The following TMEM38B variants were observed in gnomAD, a reference collection of about 807,000 sequenced individuals.
TMEM38B encodes the protein trimeric intracellular cation channel type B.
A neutral mutation model predicts 28.7 loss-of-function variants in TMEM38B; 24 were observed. The observed-to-expected ratio is 0.84, with a 90% CI of 0.61 to 1.18. The LOEUF (loss-of-function observed/expected upper bound fraction) is 1.18, where lower values mean the gene tolerates loss of function less well. Ranked by LOEUF, TMEM38B falls within the 50% of genes most tolerant of loss-of-function variation. The pLI is 0.00. For missense variants in TMEM38B, 380 were observed against 350.9 expected (o/e 1.08, Z -0.66); for synonymous variants, 131 against 127.7 (o/e 1.03, Z -0.17).
intron 2 of TMEM38B, among the ~76,000 whole-genome samples, chr9:105,717,489 A>G (rs1220978881): frequency 6.6e-6 from 1 of 152,236 alleles, no homozygotes; most frequent in African/African-American, 2.4e-5. Flanking sequence ...TGGATAAATT[A>G]TGGCATATTA....
rs189893499 is a variant in TMEM38B at position 105,739,052 on chromosome 9, G to A, written c.543-9021G>A. 1.0e-3 allele frequency among the ~76,000 whole-genome samples: 154 copies of A among 151,914 alleles called. 1 individual carries two copies. Among genetic ancestry groups the A allele is most frequent in the Admixed American group, 3.2e-3 (49 of 15,254 alleles). ...TAATTTTTATATATCATATGAATAG[G>A]GGCTCACCTTCATTCTTTTGTATGT... is the stretch of plus-strand genomic sequence containing the variant. On this transcript the variant is annotated intron_variant, in intron 4 of 5. Transcript: ENST00000374692.
Position 105,694,607 on chromosome 9 carries a change from A to T in TMEM38B, c.-54A>T, listed in dbSNP as rs2271247. Reference sequence around the variant, plus strand: ...GCCCTCTCCTACTCCTCACCGCGCGAGCGCGGGGAACCAGTAGCCGCGGCT... The same window carrying T: ...GCCCTCTCCTACTCCTCACCGCGCGTGCGCGGGGAACCAGTAGCCGCGGCT... On this transcript the variant is annotated 5_prime_UTR_variant, in exon 1 of 6. Transcript: ENST00000374692. 1.4e-6 allele frequency: 2 copies of T among 1,480,886 alleles called. No individual in the cohort carries two copies. Among genetic ancestry groups the T allele is most frequent in the Non-Finnish European group, 9.4e-7 (1 of 1,064,100 alleles). The allele number at this position is 1,480,886 out of a possible 1,614,324, so 91.7% of individuals were successfully genotyped here.
At chr9:105,750,882 A>G (rs1837624343) in intron 5 of TMEM38B, among the ~76,000 whole-genome samples, 3 of 152,178 alleles carry the variant, frequency 2.0e-5, no homozygotes, top group Non-Finnish European at 4.4e-5. Flanking sequence ...AGCACTATTT[A>G]TTGTAAAAAC....
chr9:105,761,881 G>C (rs1838063573), intron 5 of TMEM38B, among the ~76,000 whole-genome samples: 1 of 152,112 alleles, frequency 6.6e-6, no homozygotes, highest in African/African-American at 2.4e-5. Context: ...ATTTTTATAA[G>C]TGTCAAGATA....
chr9:105,760,985 A>G (rs958243661), intron 5 of TMEM38B, among the ~76,000 whole-genome samples: 1 of 152,242 alleles, frequency 6.6e-6, no homozygotes, highest in African/African-American at 2.4e-5. Context: ...TGTTTTTAAC[A>G]CAGCTATCCA....
chr9:105,770,822 A>C (rs73522009), intron 5 of TMEM38B, among the ~76,000 whole-genome samples: 11,526 of 152,238 alleles, frequency 0.076, 990 homozygotes, highest in African/African-American at 0.21. Flanking sequence ...TATGTTCTGG[A>C]TGAAGAGAGA....
intron 2 of TMEM38B, chr9:105,710,602 C>T (rs982059098): frequency 1.3e-6 from 1 of 799,616 alleles, no homozygotes; most frequent in East Asian, 2.6e-5. Context: ...CAGGAACACC[C>T]TCAAATTGAA....
chr9:105,772,956 C>A (rs570928013), intron 5 of TMEM38B, among the ~76,000 whole-genome samples: 1 of 152,146 alleles, frequency 6.6e-6, no homozygotes, highest in Admixed American at 6.6e-5. Flanking sequence ...TGTATTGCAA[C>A]TAGTAAGAAT....
At chr9:105,753,649 A>G (rs564176310) in intron 5 of TMEM38B, among the ~76,000 whole-genome samples, 1 of 152,200 alleles carries the variant, frequency 6.6e-6, no homozygotes, top group Non-Finnish European at 1.5e-5. Context: ...CCTGCTTTGC[A>G]AGAGCTCCTG....
intron 4 of TMEM38B, among the ~76,000 whole-genome samples, chr9:105,730,025 A>G (rs1296476608): frequency 1.3e-5 from 2 of 152,210 alleles, no homozygotes; most frequent in Non-Finnish European, 2.9e-5. Context: ...ATCTGAAAAC[A>G]GAGACAATTT....
At chr9:105,739,601 T>C (rs1168383762) in intron 4 of TMEM38B, among the ~76,000 whole-genome samples, 1 of 152,168 alleles carries the variant, frequency 6.6e-6, no homozygotes, top group Non-Finnish European at 1.5e-5. Context: ...TTCAGCTCAC[T>C]GCAACCTCTG....
chr9:105,772,541 C>T (rs1292769648), intron 5 of TMEM38B, among the ~76,000 whole-genome samples: 2 of 152,090 alleles, frequency 1.3e-5, no homozygotes, highest in East Asian at 3.9e-4. Flanking sequence ...AGTTGTTTCC[C>T]AGTGTCTTTT....
At chr9:105,695,054 A>G (rs1372925298) in intron 1 of TMEM38B, among the ~76,000 whole-genome samples, 1 of 151,976 alleles carries the variant, frequency 6.6e-6, no homozygotes, top group Admixed American at 6.5e-5. Flanking sequence ...GACCTTGCCA[A>G]CCGCCCGCAG....
chr9:105,761,358 CATTT>C (rs1021247920), intron 5 of TMEM38B, among the ~76,000 whole-genome samples: 2 of 152,032 alleles, frequency 1.3e-5, no homozygotes, highest in South Asian at 2.1e-4. Context: ...TTCAGTCATT[CATTT>C]GTTTAATATA....
chr9:105,744,807 A>G (rs182964145), intron 4 of TMEM38B, among the ~76,000 whole-genome samples: 1,955 of 152,006 alleles, frequency 0.013, 19 homozygotes, highest in Non-Finnish European at 0.021. Context: ...TCATTGTTCA[A>G]TTCCCACCTA....
Position 105,758,584 on chromosome 9 carries a change from A to C in TMEM38B, c.660+10394A>C, listed in dbSNP as rs1411410853. The C allele has an allele frequency of 2.9e-6, 3 of 1,042,996 alleles. No homozygotes were observed. In the Admixed American group the frequency reaches 5.1e-5, roughly 18 times the overall value. The allele number at this position is 1,042,996 out of a possible 1,614,324, so 64.6% of individuals were successfully genotyped here. Reference sequence around the variant, plus strand: ...TTTCTTAAGAATCATGTAATTGAAGATATCAAAGGCAGGTGGGGATCAGAA... The same window carrying C: ...TTTCTTAAGAATCATGTAATTGAAGCTATCAAAGGCAGGTGGGGATCAGAA... On this transcript the variant is annotated intron_variant, in intron 5 of 5. Transcript: ENST00000374692.
At chr9:105,765,430 A>T (rs1254338639) in intron 5 of TMEM38B, among the ~76,000 whole-genome samples, 1 of 152,188 alleles carries the variant, frequency 6.6e-6, no homozygotes, top group African/African-American at 2.4e-5. Flanking sequence ...ATACCTGTGT[A>T]ACTACTACCA....
At chr9:105,760,073 C>A in intron 5 of TMEM38B, 1 of 1,085,060 alleles carries the variant, frequency 9.2e-7, no homozygotes. Flanking sequence ...TTGACTGGTA[C>A]ACGAAGTTTG....
chr9:105,767,449 T>G (rs908981066), intron 5 of TMEM38B, among the ~76,000 whole-genome samples: 4 of 152,228 alleles, frequency 2.6e-5, no homozygotes, highest in African/African-American at 9.6e-5. Context: ...AAATAAGTTT[T>G]ATGATAAAGT....
Sources: gnomAD v4.1 joint callset for allele counts (sites outside exome capture counted in the v4.1 genomes callset) on GRCh38, gnomAD v4.1.1 for gene constraint, MANE v1.5 for transcripts, NCBI Gene and HGNC (gene_info 2026-07-23, HGNC 2026-07-21) for gene names.